KCNIP4: variants seen among roughly 807,000 people sequenced by gnomAD.
The protein encoded by KCNIP4 is Kv channel-interacting protein 4.
In KCNIP4, 12 loss-of-function variants were observed where a neutral mutation model predicts 34.0. That is an observed-to-expected ratio of 0.35 (90% CI 0.23 to 0.57). KCNIP4 has a LOEUF of 0.57. KCNIP4 is among the 20% of genes least tolerant of loss of function. The pLI is 0.83. For synonymous variants in KCNIP4, 124 were observed against 102.2 expected, an observed-to-expected ratio of 1.21 and a Z score of -1.29; for missense variants, 238 against 311.7, an observed-to-expected ratio of 0.76 and a Z score of 1.78.
intron 1 of KCNIP4, among the ~76,000 whole-genome samples, chr4:21,156,029 C>T (rs1318416818): frequency 6.6e-6 from 1 of 152,128 alleles, no homozygotes; most frequent in Non-Finnish European, 1.5e-5. Flanking sequence ...TAGGTAAGCA[C>T]AGAACCCCAG....
intron 1 of KCNIP4, among the ~76,000 whole-genome samples, chr4:21,591,162 A>G (rs1041688401): frequency 1.3e-5 from 2 of 152,024 alleles, no homozygotes; most frequent in African/African-American, 4.8e-5. Context: ...AGAATCTAAA[A>G]TCATTTGAGC....
intron 1 of KCNIP4, among the ~76,000 whole-genome samples, chr4:21,869,761 GATAGATA>G (rs1725657429): frequency 6.6e-6 from 1 of 150,588 alleles, no homozygotes; most frequent in South Asian, 2.2e-4. Flanking sequence ...TAGATAGATA[GATAGATA>G]GATAGATAGA....
intron 1 of KCNIP4, among the ~76,000 whole-genome samples, chr4:21,080,514 C>A (rs1423367612): frequency 2.0e-5 from 3 of 151,710 alleles, no homozygotes; most frequent in Non-Finnish European, 4.4e-5. Flanking sequence ...ATTATGCTTA[C>A]CTTTACAAAT....
chr4:20,970,392 A>T (rs886664913), intron 1 of KCNIP4, among the ~76,000 whole-genome samples: 1 of 152,150 alleles, frequency 6.6e-6, no homozygotes, highest in African/African-American at 2.4e-5. Context: ...AATAATTTTC[A>T]GTGCTTTGAT....
rs189325349 is a variant in KCNIP4, at chr4:21,897,542, C to T, written c.61+51029G>A. Among the ~76,000 whole-genome samples, 766 of 152,110 alleles carry T rather than the reference C, an allele frequency of 5.0e-3. 12 individuals are homozygous for T. Among genetic ancestry groups the T allele is most frequent in the African/African-American group, 0.018 (730 of 41,470 alleles). On this transcript the variant is annotated intron_variant, in intron 1 of 8. Transcript: ENST00000382152. ...TATACCTAAGTGCTAGGCAACATGCCACAATGTGAAATAGGAAGGGGAAAA... is the reference window on the plus strand; with the variant it reads ...TATACCTAAGTGCTAGGCAACATGCTACAATGTGAAATAGGAAGGGGAAAA...
At chr4:21,298,920 C>T (rs1428338158) in intron 1 of KCNIP4, among the ~76,000 whole-genome samples, 5 of 152,002 alleles carry the variant, frequency 3.3e-5, no homozygotes, top group Non-Finnish European at 7.4e-5. Flanking sequence ...AGCCATTGCC[C>T]TTGATGTTGT....
At chr4:20,740,306 G>T (rs1750755265) in intron 5 of KCNIP4, among the ~76,000 whole-genome samples, 1 of 152,096 alleles carries the variant, frequency 6.6e-6, no homozygotes, top group African/African-American at 2.4e-5. Flanking sequence ...TTGAAATGAA[G>T]GAAAGAAAGT....
chr4:20,935,033 T>C (rs1288276827), intron 1 of KCNIP4, among the ~76,000 whole-genome samples: 1 of 152,220 alleles, frequency 6.6e-6, no homozygotes, highest in African/African-American at 2.4e-5. Flanking sequence ...TTCCTGTGTA[T>C]GTCCACCTTT....
At chr4:20,731,427 T>TAAGC in intron 8 of KCNIP4, 1 of 985,350 alleles carries the variant, frequency 1.0e-6, no homozygotes, top group Non-Finnish European at 1.2e-6. Context: ...TAATTCTAAG[T>TAAGC]AAGCTAACAC....
chr4:21,263,716 AG>A (rs1433161444), intron 1 of KCNIP4, among the ~76,000 whole-genome samples: 1 of 152,114 alleles, frequency 6.6e-6, no homozygotes, highest in Non-Finnish European at 1.5e-5. Context: ...CATGCAGGCT[AG>A]AGTGATCGTA....
chr4:20,777,039 G>A (rs892338913), intron 3 of KCNIP4, among the ~76,000 whole-genome samples: 1 of 152,134 alleles, frequency 6.6e-6, no homozygotes, highest in Non-Finnish European at 1.5e-5. Context: ...ATATTGGGAG[G>A]CGGGGTCTTT....
chr4:21,295,611 T>C (rs554854746), intron 1 of KCNIP4, among the ~76,000 whole-genome samples: 491 of 152,184 alleles, frequency 3.2e-3, no homozygotes, highest in Non-Finnish European at 5.5e-3. Flanking sequence ...GGCGGTTCCT[T>C]TGCCTGGAAT....
intron 3 of KCNIP4, among the ~76,000 whole-genome samples, chr4:20,836,035 T>C (rs1168379212): frequency 6.6e-6 from 1 of 152,228 alleles, no homozygotes. Flanking sequence ...CCATTCTTTA[T>C]TTTTCCTCCA....
At chr4:21,900,798 G>A (rs62301438) in intron 1 of KCNIP4, among the ~76,000 whole-genome samples, 15 of 151,984 alleles carry the variant, frequency 9.9e-5, no homozygotes, top group Admixed American at 2.0e-4. Context: ...CTCCATTGCA[G>A]TAAGTACATG....
rs1398207692 is a variant in KCNIP4 at position 20,732,082 on chromosome 4, A to C, written c.643-14T>G. ...TTTGTCCATTTTCTGTTCAGGAAGA[A>C]AACAAAAATTGTATTTAGACTTATC... On this transcript the variant is annotated splice_polypyrimidine_tract_variant and intron_variant, in intron 7 of 8. Coordinates refer to ENST00000382152, the MANE Select transcript of KCNIP4 (RefSeq NM_025221.6). The C allele has an allele frequency of 6.4e-7, 1 of 1,551,440 alleles. No individual in the cohort carries two copies. The highest frequency in any genetic ancestry group is 8.7e-7 in the Non-Finnish European group (1 of 1,144,330).
At chr4:21,602,131 T>A (rs781136753) in intron 1 of KCNIP4, among the ~76,000 whole-genome samples, 1 of 152,166 alleles carries the variant, frequency 6.6e-6, no homozygotes, top group Non-Finnish European at 1.5e-5. Flanking sequence ...CCTTGGGCAC[T>A]GACTACTTGC....
At chr4:21,178,441 G>A (rs895944153) in intron 1 of KCNIP4, among the ~76,000 whole-genome samples, 2 of 152,058 alleles carry the variant, frequency 1.3e-5, no homozygotes, top group East Asian at 1.9e-4. Flanking sequence ...CAGTTCCATC[G>A]TTACTGGGGT....
intron 1 of KCNIP4, among the ~76,000 whole-genome samples, chr4:21,723,183 G>A (rs1352249051): frequency 1.3e-5 from 2 of 152,146 alleles, no homozygotes; most frequent in African/African-American, 4.8e-5. Flanking sequence ...CTTCGGGCAT[G>A]TGGACTCAGA....
chr4:21,948,260 T>C (rs536849912), intron 1 of KCNIP4, among the ~76,000 whole-genome samples: 2 of 152,248 alleles, frequency 1.3e-5, no homozygotes, highest in African/African-American at 2.4e-5. Flanking sequence ...GGCAGATGCA[T>C]AAACAACCTC....
Sources: gnomAD v4.1 joint callset for allele counts (sites outside exome capture counted in the v4.1 genomes callset) on GRCh38, gnomAD v4.1.1 for gene constraint, MANE v1.5 for transcripts, NCBI Gene and HGNC (gene_info 2026-07-23, HGNC 2026-07-21) for gene names.